Variants in ZBTB20 observed in about 807,000 individuals in gnomAD.
ZBTB20 encodes the protein zinc finger and BTB domain-containing protein 20.
Under a neutral mutation model 56.9 loss-of-function variants are expected in ZBTB20, and 9 were observed. The ratio of observed to expected loss-of-function variants is 0.16; its 90% CI spans 0.10 to 0.28. The LOEUF is 0.28. Ranked by LOEUF, ZBTB20 falls within the 10% of genes least tolerant of loss-of-function variation. The pLI is 1.00. For missense variants in ZBTB20, 655 were observed against 1,003.0 expected (o/e 0.65, Z 4.69); for synonymous variants, 417 against 420.7 (o/e 0.99, Z 0.11).
chr3:114,799,954 T>G (rs2071598031), intron 5 of ZBTB20, among the ~76,000 whole-genome samples: 1 of 151,854 alleles, frequency 6.6e-6, no homozygotes, highest in African/African-American at 2.4e-5. Flanking sequence ...AAGAGTGCAA[T>G]GAACTACAGT....
intron 1 of ZBTB20, among the ~76,000 whole-genome samples, chr3:115,074,724 T>C (rs2082533575): frequency 6.6e-6 from 1 of 152,108 alleles, no homozygotes; most frequent in African/African-American, 2.4e-5. Flanking sequence ...TATGCTGTCT[T>C]GAGAGAGTTA....
At chr3:114,837,021 T>C (rs1017265025) in intron 4 of ZBTB20, among the ~76,000 whole-genome samples, 5 of 152,178 alleles carry the variant, frequency 3.3e-5, no homozygotes, top group Admixed American at 2.0e-4. Context: ...ATTCTGTCTC[T>C]AAAACAAGCC....
At chr3:114,660,667 C>G (rs1054764413) in intron 6 of ZBTB20, among the ~76,000 whole-genome samples, 1 of 152,046 alleles carries the variant, frequency 6.6e-6, no homozygotes, top group Non-Finnish European at 1.5e-5. Flanking sequence ...GGATAACCAC[C>G]CCCTGGATAA....
intron 5 of ZBTB20, among the ~76,000 whole-genome samples, chr3:114,781,484 A>T (rs916315622): frequency 3.9e-5 from 6 of 152,338 alleles, no homozygotes; most frequent in African/African-American, 1.4e-4. Flanking sequence ...AACTTAATTC[A>T]TACCAATATT....
intron 6 of ZBTB20, among the ~76,000 whole-genome samples, chr3:114,655,302 G>T (rs1457043438): frequency 1.3e-4 from 17 of 133,762 alleles, no homozygotes; most frequent in Non-Finnish European, 2.4e-4. Flanking sequence ...CCAGACTGCG[G>T]ACTGCAGTGG....
At chr3:114,534,162 C>G (rs2110055645) in intron 6 of ZBTB20, among the ~76,000 whole-genome samples, 1 of 152,246 alleles carries the variant, frequency 6.6e-6, no homozygotes, top group African/African-American at 2.4e-5. Flanking sequence ...TGTAAATGGG[C>G]TAAATGCCCC....
chr3:114,781,027 GA>G (rs1185515707), intron 5 of ZBTB20, among the ~76,000 whole-genome samples: 5 of 151,890 alleles, frequency 3.3e-5, no homozygotes, highest in African/African-American at 1.2e-4. Flanking sequence ...ATTCTATAAA[GA>G]AAAAACAAAC....
intron 6 of ZBTB20, among the ~76,000 whole-genome samples, chr3:114,510,075 T>C (rs1473953406): frequency 1.3e-5 from 2 of 152,152 alleles, no homozygotes; most frequent in Admixed American, 1.3e-4. Context: ...ATATAAAGTA[T>C]TCACCCATAC....
At chr3:115,136,202 T>C (rs937893511) in intron 1 of ZBTB20, among the ~76,000 whole-genome samples, 1 of 152,086 alleles carries the variant, frequency 6.6e-6, no homozygotes, top group Non-Finnish European at 1.5e-5. Context: ...ATTAAGTACC[T>C]AAAAGGATAG....
intron 2 of ZBTB20, among the ~76,000 whole-genome samples, chr3:114,989,678 T>C (rs1004006959): frequency 1.3e-5 from 2 of 152,188 alleles, no homozygotes; most frequent in Non-Finnish European, 2.9e-5. Flanking sequence ...ATTGAATATA[T>C]AAATTACGCA....
intron 4 of ZBTB20, among the ~76,000 whole-genome samples, chr3:114,878,812 A>T (rs2076293801): frequency 6.6e-6 from 1 of 152,194 alleles, no homozygotes; most frequent in African/African-American, 2.4e-5. Flanking sequence ...CTGCGGTCAC[A>T]ACCAACTGAA....
At chr3:114,897,957 C>G (rs1010027606) in intron 4 of ZBTB20, among the ~76,000 whole-genome samples, 3 of 152,252 alleles carry the variant, frequency 2.0e-5, no homozygotes, top group African/African-American at 7.2e-5. Flanking sequence ...TAAAGCAAGT[C>G]TTAACTGTTC....
At chr3:114,443,581 T>G (rs973041719) in intron 7 of ZBTB20, among the ~76,000 whole-genome samples, 2 of 152,192 alleles carry the variant, frequency 1.3e-5, no homozygotes. Context: ...ATAAAAAGAT[T>G]CAATATATTT....
intron 6 of ZBTB20, among the ~76,000 whole-genome samples, chr3:114,685,185 C>A (rs2062254903): frequency 2.0e-5 from 3 of 151,996 alleles, no homozygotes; most frequent in Admixed American, 2.0e-4. Context: ...AGAAAGGGCC[C>A]CAAACAAAGC....
chr3:114,515,510 T>A (rs1427717987), intron 6 of ZBTB20, among the ~76,000 whole-genome samples: 1 of 152,238 alleles, frequency 6.6e-6, no homozygotes, highest in African/African-American at 2.4e-5. Context: ...ATTTCAGAAT[T>A]AGTTTGCAAT....
chr3:114,423,805 C>A (rs185783183), intron 7 of ZBTB20, among the ~76,000 whole-genome samples: 26 of 152,268 alleles, frequency 1.7e-4, no homozygotes, highest in African/African-American at 6.3e-4. Flanking sequence ...ACAGGTGAAC[C>A]AGAAGAGTTC....
In ZBTB20 at chr3:114,947,470, A is replaced by G. The variant is rs968511671; in HGVS notation, c.-456+26896T>C. On this transcript the variant is annotated intron_variant, in intron 3 of 11. Transcript: ENST00000675478. Reference sequence around the variant, plus strand: ...ATATATATGTAATAGGATACTATCCAGCTATAAAAAAGAATGGAATCACAT... The same window carrying G: ...ATATATATGTAATAGGATACTATCCGGCTATAAAAAAGAATGGAATCACAT... Among the ~76,000 whole-genome samples, 13 of 146,528 alleles carry G rather than the reference A, an allele frequency of 8.9e-5. 1 individual carries two copies. Among genetic ancestry groups the G allele is most frequent in the Non-Finnish European group, 1.8e-4 (12 of 67,834 alleles).
chr3:115,024,613 A>G (rs2080344328), intron 2 of ZBTB20, among the ~76,000 whole-genome samples: 1 of 151,168 alleles, frequency 6.6e-6, no homozygotes. Context: ...CATATACCTC[A>G]CATCCCTCTT....
intron 1 of ZBTB20, among the ~76,000 whole-genome samples, chr3:115,114,373 G>A (rs558567107): frequency 6.6e-5 from 10 of 152,102 alleles, no homozygotes; most frequent in Non-Finnish European, 8.8e-5. Context: ...AATGGAAGAA[G>A]AGTATCAATG....
Sources: gnomAD v4.1 joint callset for allele counts (sites outside exome capture counted in the v4.1 genomes callset) on GRCh38, gnomAD v4.1.1 for gene constraint, MANE v1.5 for transcripts, NCBI Gene and HGNC (gene_info 2026-07-23, HGNC 2026-07-21) for gene names.